ZBTB20: variants seen among roughly 807,000 people sequenced by gnomAD.
ZBTB20 encodes the protein zinc finger and BTB domain containing 20, also known as zinc finger and BTB domain-containing protein 20.
Under a neutral mutation model 56.9 loss-of-function variants are expected in ZBTB20, and 9 were observed. The ratio of observed to expected loss-of-function variants is 0.16; its 90% CI spans 0.10 to 0.28. ZBTB20 has a LOEUF of 0.28. Among genes scored for constraint, ZBTB20 ranks in the 10% least tolerant of loss-of-function variants. The pLI is 1.00. For missense variants in ZBTB20, 655 were observed against 1,003.0 expected (o/e 0.65, Z 4.69); for synonymous variants, 417 against 420.7 (o/e 0.99, Z 0.11).
At chr3:114,548,734 G>T (rs1213657636) in intron 6 of ZBTB20, among the ~76,000 whole-genome samples, 3 of 152,146 alleles carry the variant, frequency 2.0e-5, no homozygotes, top group East Asian at 3.9e-4. Flanking sequence ...GGCCAGGCTG[G>T]TCTCAAATGC....
intron 6 of ZBTB20, among the ~76,000 whole-genome samples, chr3:114,640,279 G>C (rs972721662): frequency 5.9e-5 from 9 of 152,008 alleles, no homozygotes; most frequent in African/African-American, 1.9e-4. Flanking sequence ...AAAACTACAG[G>C]GACAGGGCGG....
chr3:115,035,155 A>G (rs2108363236), intron 2 of ZBTB20, among the ~76,000 whole-genome samples: 1 of 152,236 alleles, frequency 6.6e-6, no homozygotes, highest in African/African-American at 2.4e-5. Context: ...ATCATACTGG[A>G]TTTGGCAATT....
chr3:114,902,538 C>CAA (rs1434523738), intron 3 of ZBTB20, among the ~76,000 whole-genome samples: 1 of 152,120 alleles, frequency 6.6e-6, no homozygotes, highest in Non-Finnish European at 1.5e-5. Flanking sequence ...TATTTCTGAG[C>CAA]AAACACCTAT....
intron 11 of ZBTB20, among the ~76,000 whole-genome samples, chr3:114,347,443 T>A (rs1560106251): frequency 6.6e-6 from 1 of 152,226 alleles, no homozygotes; most frequent in African/African-American, 2.4e-5. Flanking sequence ...AGTATCCCCG[T>A]GCTTTCTAGA....
intron 6 of ZBTB20, among the ~76,000 whole-genome samples, chr3:114,511,473 A>G (rs979460441): frequency 2.0e-5 from 3 of 151,392 alleles, no homozygotes; most frequent in African/African-American, 4.9e-5. Flanking sequence ...GATTTCTCTC[A>G]TTCTTACAAG....
chr3:114,697,838 T>C (rs16823100), intron 5 of ZBTB20, among the ~76,000 whole-genome samples: 5,668 of 152,200 alleles, frequency 0.037, 218 homozygotes, highest in Admixed American at 0.13. Context: ...GAAACAGTTC[T>C]AATGACTGGA....
At chr3:114,550,523 TA>T (rs757862973) in intron 6 of ZBTB20, among the ~76,000 whole-genome samples, 1 of 152,242 alleles carries the variant, frequency 6.6e-6, no homozygotes, top group Non-Finnish European at 1.5e-5. Flanking sequence ...CCTCTTCACT[TA>T]TGAAGGAAGC....
chr3:114,871,954 C>T lies in ZBTB20; in HGVS notation c.-417+28350G>A, dbSNP rs541806282. The stretch of plus-strand genomic sequence containing the variant: ...TTTCTGTCTCCTGGTCCCAGTTCCT[C>T]CCAACTTTATGTATGCATGAGTCTT... On this transcript the variant is annotated intron_variant, in intron 4 of 11. Coordinates refer to ENST00000675478, the MANE Select transcript of ZBTB20 (RefSeq NM_001348800.3). 1.1e-4 allele frequency among the ~76,000 whole-genome samples: 17 copies of T among 152,164 alleles called. No homozygotes were observed. In the East Asian group the frequency reaches 3.3e-3, roughly 29 times the overall value.
At chr3:114,899,954 T>A (rs1320690982) in intron 4 of ZBTB20, among the ~76,000 whole-genome samples, 1 of 152,042 alleles carries the variant, frequency 6.6e-6, no homozygotes, top group African/African-American at 2.4e-5. Context: ...AAAAAAAAGT[T>A]TAAATAAAAC....
chr3:115,067,839 T>G (rs2082264006), intron 2 of ZBTB20, among the ~76,000 whole-genome samples: 1 of 152,122 alleles, frequency 6.6e-6, no homozygotes. Context: ...TGCCGCAATT[T>G]TATTGTTGCA....
chr3:115,076,348 T>A (rs1407849636), intron 1 of ZBTB20, among the ~76,000 whole-genome samples: 2 of 152,050 alleles, frequency 1.3e-5, no homozygotes, highest in Admixed American at 1.3e-4. Flanking sequence ...GGTTCTGGCA[T>A]AAAGATAGAT....
intron 2 of ZBTB20, among the ~76,000 whole-genome samples, chr3:115,035,350 G>C (rs907836205): frequency 6.6e-6 from 1 of 151,948 alleles, no homozygotes; most frequent in African/African-American, 2.4e-5. Flanking sequence ...AATATACAGA[G>C]AACTCCTAAA....
At chr3:114,880,449 G>C (rs556576180) in intron 4 of ZBTB20, among the ~76,000 whole-genome samples, 1 of 152,238 alleles carries the variant, frequency 6.6e-6, no homozygotes, top group South Asian at 2.1e-4. Flanking sequence ...GAACTGATGA[G>C]GATATGAACA....
At chr3:115,091,847 C>G (rs1427568391) in intron 1 of ZBTB20, among the ~76,000 whole-genome samples, 1 of 152,004 alleles carries the variant, frequency 6.6e-6, no homozygotes, top group Non-Finnish European at 1.5e-5. Flanking sequence ...AAGACACAGA[C>G]ACTATCCTCA....
At chr3:115,109,696 T>C (rs1283349665) in intron 1 of ZBTB20, among the ~76,000 whole-genome samples, 1 of 152,082 alleles carries the variant, frequency 6.6e-6, no homozygotes, top group Non-Finnish European at 1.5e-5. Context: ...ACTGGTGATA[T>C]TAGGTAGAAA....
At chr3:114,830,592 C>G (rs2073787381) in intron 4 of ZBTB20, among the ~76,000 whole-genome samples, 2 of 151,860 alleles carry the variant, frequency 1.3e-5, no homozygotes, top group African/African-American at 4.8e-5. Flanking sequence ...AGATAATGAT[C>G]TTATTTACTC....
intron 6 of ZBTB20, among the ~76,000 whole-genome samples, chr3:114,549,146 AT>A (rs1489104423): frequency 6.6e-6 from 1 of 152,232 alleles, no homozygotes; most frequent in Non-Finnish European, 1.5e-5. Flanking sequence ...AAATCCTTTT[AT>A]GACATTTCAC....
chr3:115,146,941 G>A (rs933169363), intron 1 of ZBTB20, among the ~76,000 whole-genome samples: 8 of 150,816 alleles, frequency 5.3e-5, no homozygotes, highest in Non-Finnish European at 8.9e-5. Context: ...CCGCCGGGTC[G>A]GGCGAGGCAG....
At chr3:114,836,780 G>C (rs1204670943) in intron 4 of ZBTB20, among the ~76,000 whole-genome samples, 11 of 152,116 alleles carry the variant, frequency 7.2e-5, no homozygotes, top group African/African-American at 2.2e-4. Flanking sequence ...TGATTTCTCT[G>C]CTTCCACTGT....
Sources: allele counts gnomAD v4.1 joint callset (sites outside exome capture counted in the v4.1 genomes callset), GRCh38; gene constraint gnomAD v4.1.1; transcripts MANE v1.5; gene names NCBI Gene and HGNC (gene_info 2026-07-23, HGNC 2026-07-21).